RIT2: variants seen among roughly 807,000 people sequenced by gnomAD.
RIT2 encodes the protein GTP-binding protein Rit2.
RIT2 carries 24 observed loss-of-function variants against 23.7 expected under a neutral mutation model. The ratio of observed to expected loss-of-function variants is 1.01; its 90% CI spans 0.73 to 1.43. The LOEUF is 1.43. RIT2 is among the 40% of genes most tolerant of loss of function. RIT2 has a pLI of 0.00. For synonymous variants in RIT2, 107 were observed against 91.1 expected (o/e 1.17, Z -0.99); for missense variants, 236 against 266.9 (o/e 0.88, Z 0.81).
chr18:42,769,195 T>C (rs1913492089), intron 4 of RIT2, among the ~76,000 whole-genome samples: 1 of 152,156 alleles, frequency 6.6e-6, no homozygotes, highest in African/African-American at 2.4e-5. Context: ...ATTCTGATAA[T>C]ATCGTTAGGG....
intron 2 of RIT2, among the ~76,000 whole-genome samples, chr18:42,994,919 A>C (rs1424482304): frequency 6.6e-6 from 1 of 152,008 alleles, no homozygotes; most frequent in Non-Finnish European, 1.5e-5. Context: ...CACAATTACC[A>C]TTGTTCCTGG....
At chr18:42,929,400 C>T (rs1909272400) in intron 3 of RIT2, among the ~76,000 whole-genome samples, 1 of 151,988 alleles carries the variant, frequency 6.6e-6, no homozygotes, top group Non-Finnish European at 1.5e-5. Flanking sequence ...CTCAATAATA[C>T]TGACGGAAGC....
intron 4 of RIT2, among the ~76,000 whole-genome samples, chr18:42,779,903 T>C (rs190603096): frequency 2.3e-3 from 348 of 152,222 alleles, no homozygotes; most frequent in African/African-American, 7.5e-3. Flanking sequence ...GGATTTTTTA[T>C]ACATGAAATG....
chr18:42,912,270 T>C (rs1045527966), intron 4 of RIT2, among the ~76,000 whole-genome samples: 3 of 151,234 alleles, frequency 2.0e-5, no homozygotes, highest in Admixed American at 6.6e-5. Flanking sequence ...GGAATATAGA[T>C]GAATGTCCCC....
At chr18:42,769,878 T>TAATAAC (rs902273413) in intron 4 of RIT2, among the ~76,000 whole-genome samples, 1 of 141,330 alleles carries the variant, frequency 7.1e-6, no homozygotes, top group Non-Finnish European at 1.5e-5. Flanking sequence ...ATAATAATAA[T>TAATAAC]AAAGATATAC....
At chr18:42,955,210 A>G (rs901213505) in intron 3 of RIT2, among the ~76,000 whole-genome samples, 1 of 152,228 alleles carries the variant, frequency 6.6e-6, no homozygotes, top group Admixed American at 6.5e-5. Flanking sequence ...TTGTTCAATA[A>G]TACTACTGTC....
intron 4 of RIT2, among the ~76,000 whole-genome samples, chr18:42,860,043 C>T (rs374696195): frequency 7.2e-5 from 11 of 152,264 alleles, no homozygotes; most frequent in African/African-American, 2.4e-4. Flanking sequence ...GACAGTTGCA[C>T]AGTTGAACAA....
rs115963982 is a variant in RIT2 at position 42,774,505 on chromosome 18, A to G, written c.427-30785T>C. ...GATAAAAAAAAAGAAAAGGTAAAAC[A>G]TAGAATATTCTCACTATCATTTCCC... On this transcript the variant is annotated intron_variant, in intron 4 of 4. Transcript: ENST00000326695. Among the ~76,000 whole-genome samples, 1,482 of 152,310 alleles carry G rather than the reference A, an allele frequency of 9.7e-3. 30 individuals carry two copies. The highest frequency in any genetic ancestry group is 0.034 in the African/African-American group (1,409 of 41,556).
intron 4 of RIT2, among the ~76,000 whole-genome samples, chr18:42,855,884 G>T (rs1300756159): frequency 6.6e-6 from 1 of 152,110 alleles, no homozygotes; most frequent in Admixed American, 6.5e-5. Context: ...TCTGCTAGCT[G>T]AATCATTAGT....
At chr18:42,788,668 A>C (rs1419594827) in intron 4 of RIT2, among the ~76,000 whole-genome samples, 3 of 152,184 alleles carry the variant, frequency 2.0e-5, no homozygotes, top group Non-Finnish European at 4.4e-5. Context: ...AGTAGATGTA[A>C]ATTTCCAAAA....
intron 2 of RIT2, among the ~76,000 whole-genome samples, chr18:42,976,822 T>A (rs1192385313): frequency 6.6e-6 from 1 of 152,036 alleles, no homozygotes; most frequent in Non-Finnish European, 1.5e-5. Context: ...AGAAAGAAGA[T>A]TAAGTAAATA....
intron 4 of RIT2, among the ~76,000 whole-genome samples, chr18:42,768,456 G>A (rs1172522160): frequency 6.6e-6 from 1 of 152,168 alleles, no homozygotes; most frequent in Non-Finnish European, 1.5e-5. Flanking sequence ...TGATGCCTGA[G>A]AGTTCAGTGG....
chr18:42,885,801 A>C (rs963122524), intron 4 of RIT2, among the ~76,000 whole-genome samples: 1 of 152,212 alleles, frequency 6.6e-6, no homozygotes, highest in Non-Finnish European at 1.5e-5. Flanking sequence ...ACATATTTGC[A>C]TATACAATTT....
chr18:42,927,233 C>T (rs1909202457), intron 3 of RIT2, among the ~76,000 whole-genome samples: 1 of 150,766 alleles, frequency 6.6e-6, no homozygotes, highest in Non-Finnish European at 1.5e-5. Flanking sequence ...TTTTTTTTTC[C>T]CCAACAGAAA....
intron 2 of RIT2, among the ~76,000 whole-genome samples, chr18:43,000,654 C>T (rs1158982612): frequency 6.6e-6 from 1 of 151,930 alleles, no homozygotes; most frequent in Non-Finnish European, 1.5e-5. Flanking sequence ...TTCCCCTATG[C>T]TGTTCTCATA....
chr18:43,068,075 G>T lies in RIT2; in HGVS notation c.104-34208C>A, dbSNP rs750624570. ...AACTTGAAATTTGGGTAAATGCTATGACCTGGAAATACAATTGTAAGATTC... is the reference window on the plus strand; with the variant it reads ...AACTTGAAATTTGGGTAAATGCTATTACCTGGAAATACAATTGTAAGATTC... On this transcript the variant is annotated intron_variant, in intron 1 of 4. Coordinates refer to ENST00000326695, the MANE Select transcript of RIT2 (RefSeq NM_002930.4). Among the ~76,000 whole-genome samples, 3 of 152,174 alleles carry T rather than the reference G, an allele frequency of 2.0e-5. No individual in the cohort carries two copies. In the East Asian group the frequency reaches 5.8e-4, roughly 29 times the overall value.
chr18:43,071,286 T>C (rs1241760398), intron 1 of RIT2, among the ~76,000 whole-genome samples: 5 of 152,188 alleles, frequency 3.3e-5, no homozygotes, highest in Admixed American at 1.3e-4. Context: ...TCTGAATTGC[T>C]AGAATCCGAT....
At chr18:42,756,044 A>G (rs1279793099) in intron 4 of RIT2, among the ~76,000 whole-genome samples, 3 of 152,158 alleles carry the variant, frequency 2.0e-5, no homozygotes, top group African/African-American at 7.2e-5. Context: ...AGAAGTGATC[A>G]TGGTGCTTTT....
chr18:43,011,632 C>T (rs1266733719), intron 2 of RIT2, among the ~76,000 whole-genome samples: 1 of 151,600 alleles, frequency 6.6e-6, no homozygotes, highest in East Asian at 1.9e-4. Context: ...TATTCCTAGG[C>T]CTAATTGAAG....
Sources: allele counts gnomAD v4.1 joint callset (sites outside exome capture counted in the v4.1 genomes callset), GRCh38; gene constraint gnomAD v4.1.1; transcripts MANE v1.5; gene names NCBI Gene and HGNC (gene_info 2026-07-23, HGNC 2026-07-21).